Variants in ASXL2 observed in about 807,000 individuals in gnomAD.
ASXL2 encodes the protein ASXL transcriptional regulator 2, also known as putative Polycomb group protein ASXL2.
ASXL2 carries 23 observed loss-of-function variants against 122.0 expected under a neutral mutation model. The observed-to-expected ratio is 0.19, with a 90% CI of 0.14 to 0.27. ASXL2 has a LOEUF of 0.27. ASXL2 is among the 10% of genes least tolerant of loss of function. ASXL2 has a pLI of 1.00. For missense variants in ASXL2, 1,518 were observed against 1,713.8 expected (o/e 0.89, Z 2.02); for synonymous variants, 650 against 637.0 (o/e 1.02, Z -0.31).
chr2:25,747,155 G>GA (rs2087956120), intron 12 of ASXL2, among the ~76,000 whole-genome samples: 1 of 152,162 alleles, frequency 6.6e-6, no homozygotes, highest in Admixed American at 6.5e-5. Context: ...GTGGTTGGTT[G>GA]AAAATACTGC....
intron 2 of ASXL2, among the ~76,000 whole-genome samples, chr2:25,837,174 T>C (rs948198250): frequency 6.6e-6 from 1 of 151,948 alleles, no homozygotes; most frequent in Non-Finnish European, 1.5e-5. Flanking sequence ...AAAGCACATC[T>C]GTAAACACTA....
intron 1 of ASXL2, among the ~76,000 whole-genome samples, chr2:25,871,349 T>C (rs2149204174): frequency 6.6e-6 from 1 of 152,250 alleles, no homozygotes; most frequent in Non-Finnish European, 1.5e-5. Context: ...AGATAGAATC[T>C]GTGGATGGGG....
At chr2:25,793,053 G>A (rs747356855) in intron 5 of ASXL2, among the ~76,000 whole-genome samples, 1 of 151,832 alleles carries the variant, frequency 6.6e-6, no homozygotes, top group Non-Finnish European at 1.5e-5. Context: ...AGGAGTTTGA[G>A]ACCAGCCTGC....
intron 1 of ASXL2, among the ~76,000 whole-genome samples, chr2:25,858,744 A>T (rs1046620402): frequency 6.6e-6 from 1 of 151,844 alleles, no homozygotes; most frequent in African/African-American, 2.4e-5. Context: ...TTTAAAGCCT[A>T]ATATAAAGAG....
intron 9 of ASXL2, among the ~76,000 whole-genome samples, chr2:25,756,819 A>G (rs2088143061): frequency 6.6e-6 from 1 of 152,238 alleles, no homozygotes; most frequent in South Asian, 2.1e-4. Flanking sequence ...TTTATTAATT[A>G]GGCAGTCAGC....
Position 25,742,891 on chromosome 2 carries a change from C to T in ASXL2, c.3446G>A (p.Arg1149His). Residue 1149 changes from arginine (R) to histidine (H), a missense_variant, in exon 13 of 13, where the codon CGT becomes CAT. By Grantham distance (29) the Arg-to-His change is conservative. Transcript: ENST00000435504. The part of the protein sequence containing the change: ...RRTHSVNPED[R>H]FCLSSPTEAL... ...TTCAGTGGGGCTGCTTAGACAAAAA[C>T]GATCTTCAGGGTTTACAGAATGGGT... The T allele has an allele frequency of 5.0e-6, 8 of 1,613,984 alleles. No homozygotes were observed. The highest frequency in any genetic ancestry group is 1.3e-5 in the African/African-American group (1 of 75,040).
chr2:25,815,705 T>C (rs371702334), intron 3 of ASXL2, among the ~76,000 whole-genome samples: 3 of 152,074 alleles, frequency 2.0e-5, no homozygotes, highest in East Asian at 3.9e-4. Flanking sequence ...TGGAACAAAA[T>C]TGAAGGAAGC....
Position 25,853,226 on chromosome 2 carries a change from C to A in ASXL2, c.58-7663G>T, listed in dbSNP as rs953990728. On this transcript the variant is annotated intron_variant, in intron 1 of 12. Transcript: ENST00000435504. ...AGAGGATGCGGTTTCCCTCAGCTAC[C>A]AAACTCACTATACACTCACTCACCT... Among the ~76,000 whole-genome samples, 4 of 152,170 alleles carry A rather than the reference C, an allele frequency of 2.6e-5. No homozygotes were observed. The East Asian group carries it at 7.7e-4, about 29-fold the overall frequency.
intron 3 of ASXL2, among the ~76,000 whole-genome samples, chr2:25,833,464 G>T (rs1344094804): frequency 6.6e-6 from 1 of 152,138 alleles, no homozygotes; most frequent in African/African-American, 2.4e-5. Context: ...GAAGGCTGAG[G>T]TGGGCAGATC....
chr2:25,867,409 A>C (rs1574456077), intron 1 of ASXL2, among the ~76,000 whole-genome samples: 1 of 152,050 alleles, frequency 6.6e-6, no homozygotes, highest in Admixed American at 6.6e-5. Context: ...GGAGTTTGAG[A>C]CCAGCCTGGG....
At chr2:25,754,337 T>G (rs145785686) in intron 10 of ASXL2, among the ~76,000 whole-genome samples, 1 of 152,204 alleles carries the variant, frequency 6.6e-6, no homozygotes, top group Non-Finnish European at 1.5e-5. Context: ...TTCAAACTTG[T>G]GGCTCAGATA....
At chr2:25,817,681 A>G (rs181121184) in intron 3 of ASXL2, among the ~76,000 whole-genome samples, 4 of 152,328 alleles carry the variant, frequency 2.6e-5, no homozygotes, top group Non-Finnish European at 5.9e-5. Flanking sequence ...ACTTTGTCAC[A>G]GGGCATGCTA....
intron 3 of ASXL2, among the ~76,000 whole-genome samples, chr2:25,820,752 T>C (rs1227065810): frequency 6.6e-6 from 1 of 152,142 alleles, no homozygotes; most frequent in East Asian, 1.9e-4. Context: ...TGGCCTGGTG[T>C]GGTGACTGGC....
At position 25,739,369 on chromosome 2, in the gene ASXL2, G is replaced by GTTT. The variant is rs776553926; in HGVS notation, c.*2657_*2659dup. The stretch of plus-strand genomic sequence containing the variant: ...TTTCTAAAAGGCCAGATTGTAATGT[G>GTTT]TTTTTTTTTTTTTTAATTTTTCTGT... On this transcript the variant is annotated 3_prime_UTR_variant, in exon 13 of 13. Transcript: ENST00000435504. The GTTT allele has an allele frequency of 3.8e-5, 6 of 158,766 alleles. No homozygotes were observed. The highest frequency in any genetic ancestry group is 3.4e-4 in the East Asian group (3 of 8,698). The allele number at this position is 158,766 out of a possible 1,614,324, so 9.8% of individuals were successfully genotyped here.
At chr2:25,854,262 G>C (rs2089752129) in intron 1 of ASXL2, among the ~76,000 whole-genome samples, 1 of 152,158 alleles carries the variant, frequency 6.6e-6, no homozygotes, top group Non-Finnish European at 1.5e-5. Context: ...AAACTCTTTA[G>C]AGTTAATAAC....
At chr2:25,759,361 A>G (rs1559502986) in intron 9 of ASXL2, 121 bp downstream of exon 9, 11 of 1,106,414 alleles carry the variant, frequency 9.9e-6, no homozygotes, top group Non-Finnish European at 1.4e-5. Context: ...GCCTTAAAAA[A>G]ACCTGCCTAT....
At chr2:25,776,252 G>C (rs1215269919) in intron 5 of ASXL2, among the ~76,000 whole-genome samples, 1 of 152,114 alleles carries the variant, frequency 6.6e-6, no homozygotes, top group African/African-American at 2.4e-5. Flanking sequence ...TTCATATAAT[G>C]AAATCATACA....
chr2:25,755,856 T>G (rs1038411604), intron 10 of ASXL2, among the ~76,000 whole-genome samples, 162 bp downstream of exon 10: 1 of 152,260 alleles, frequency 6.6e-6, no homozygotes, highest in East Asian at 1.9e-4. Flanking sequence ...TAACATAGGC[T>G]CTAGATAAAA....
At chr2:25,788,958 A>C (rs769429488) in intron 5 of ASXL2, among the ~76,000 whole-genome samples, 1 of 152,056 alleles carries the variant, frequency 6.6e-6, no homozygotes, top group Non-Finnish European at 1.5e-5. Context: ...TTTATGATTA[A>C]TCCTGATATT....
Sources: allele counts gnomAD v4.1 joint callset (sites outside exome capture counted in the v4.1 genomes callset), GRCh38; gene constraint gnomAD v4.1.1; transcripts MANE v1.5; gene names NCBI Gene and HGNC (gene_info 2026-07-23, HGNC 2026-07-21).